Variants in LPP observed in about 807,000 individuals in gnomAD.
The protein encoded by LPP is LIM domain containing preferred translocation partner in lipoma.
Under a neutral mutation model 60.4 loss-of-function variants are expected in LPP, and 38 were observed. That is an observed-to-expected ratio of 0.63 (90% CI 0.49 to 0.83). The LOEUF is 0.83. Among genes scored for constraint, LPP ranks in the 40% least tolerant of loss-of-function variants. LPP has a pLI of 0.00. For synonymous variants in LPP, 328 were observed against 290.8 expected, an observed-to-expected ratio of 1.13 and a Z score of -1.30; for missense variants, 902 against 783.6, an observed-to-expected ratio of 1.15 and a Z score of -1.80.
intron 2 of LPP, among the ~76,000 whole-genome samples, chr3:188,334,327 AC>A (rs1378499698): frequency 6.6e-6 from 1 of 150,548 alleles, no homozygotes; most frequent in Non-Finnish European, 1.5e-5. Context: ...GCTGCAATAA[AC>A]ATGGGAATGC....
rs187214439 is a variant in LPP at position 188,675,504 on chromosome 3, T to C, written c.1114-32763T>C. The stretch of plus-strand genomic sequence containing the variant: ...CTTCAAGTATATGCCTTCTGGATGA[T>C]GTATGTTTGTATATGAAGGACAACA... On this transcript the variant is annotated intron_variant, in intron 7 of 11. Coordinates refer to ENST00000617246, the MANE Select transcript of LPP (RefSeq NM_001375462.1). 3.6e-4 allele frequency among the ~76,000 whole-genome samples: 55 copies of C among 152,308 alleles called. No individual in the cohort carries two copies. In the East Asian group the frequency reaches 8.3e-3, roughly 23 times the overall value.
intron 1 of LPP, among the ~76,000 whole-genome samples, chr3:188,187,103 C>T: frequency 6.6e-6 from 1 of 152,228 alleles, no homozygotes; most frequent in African/African-American, 2.4e-5. Flanking sequence ...TTTTAGGTTA[C>T]CTTTTGCATC....
intron 4 of LPP, among the ~76,000 whole-genome samples, chr3:188,480,600 T>C (rs1804498535): frequency 1.3e-5 from 2 of 152,372 alleles, no homozygotes; most frequent in Admixed American, 1.3e-4. Flanking sequence ...ATTTCCATTT[T>C]AGATTTGATA....
In LPP at chr3:188,881,204, C is replaced by T. The variant is rs959204059; in HGVS notation, c.*6725C>T. On this transcript the variant is annotated 3_prime_UTR_variant, in exon 12 of 12. Coordinates refer to ENST00000617246, the MANE Select transcript of LPP (RefSeq NM_001375462.1). Reference sequence around the variant, plus strand: ...AGATCTGAATCTTCTCTGTTATTTTCCTGATGAATCACCATCCCATATCTT... The same window carrying T: ...AGATCTGAATCTTCTCTGTTATTTTTCTGATGAATCACCATCCCATATCTT... The T allele has an allele frequency of 1.7e-5, 3 of 173,508 alleles. No homozygotes were observed. Among genetic ancestry groups the T allele is most frequent in the Non-Finnish European group, 2.5e-5 (2 of 80,992 alleles). The allele number at this position is 173,508 out of a possible 1,614,324, so 10.7% of individuals were successfully genotyped here. A position where few individuals can be genotyped will look rare whatever the true frequency, so the allele number is the denominator to read the frequency against.
intron 1 of LPP, chr3:188,180,643 C>T (rs1724671484): frequency 1.3e-5 from 2 of 154,240 alleles, no homozygotes; most frequent in Non-Finnish European, 2.9e-5. Flanking sequence ...TATTTAGACA[C>T]AAGCATTGTT....
intron 7 of LPP, among the ~76,000 whole-genome samples, chr3:188,661,452 C>A (rs1576898766): frequency 6.6e-6 from 1 of 152,160 alleles, no homozygotes; most frequent in Non-Finnish European, 1.5e-5. Context: ...TTTGCGGTCC[C>A]ACCTGCAATG....
intron 3 of LPP, among the ~76,000 whole-genome samples, chr3:188,393,390 T>C (rs566858269): frequency 2.6e-5 from 4 of 152,172 alleles, no homozygotes; most frequent in Non-Finnish European, 5.9e-5. Context: ...TGCTAATTGC[T>C]GTGGCCTCTT....
At chr3:188,289,590 G>C (rs976907834) in intron 2 of LPP, among the ~76,000 whole-genome samples, 1 of 152,140 alleles carries the variant, frequency 6.6e-6, no homozygotes, top group African/African-American at 2.4e-5. Flanking sequence ...ACTTGTCCAA[G>C]TCATTCAGCT....
chr3:188,376,869 C>G (rs1775275037), intron 3 of LPP, among the ~76,000 whole-genome samples: 1 of 152,110 alleles, frequency 6.6e-6, no homozygotes, highest in Non-Finnish European at 1.5e-5. Context: ...AGGTTTAGTG[C>G]TTTCTTCAGG....
intron 4 of LPP, among the ~76,000 whole-genome samples, chr3:188,408,484 G>T (rs1784192976): frequency 6.6e-6 from 1 of 152,078 alleles, no homozygotes; most frequent in East Asian, 1.9e-4. Context: ...CACAGTCCTT[G>T]GTCCCCTCTC....
chr3:188,460,553 T>C (rs1340605694), intron 4 of LPP, among the ~76,000 whole-genome samples: 2 of 152,216 alleles, frequency 1.3e-5, no homozygotes, highest in African/African-American at 4.8e-5. Flanking sequence ...ATTTTATTCC[T>C]TGTGCAGGGC....
intron 9 of LPP, among the ~76,000 whole-genome samples, chr3:188,781,956 C>T (rs1220947270): frequency 6.6e-6 from 1 of 151,556 alleles, no homozygotes; most frequent in Non-Finnish European, 1.5e-5. Flanking sequence ...GTCCCTTCTA[C>T]TTCACGTGGG....
At chr3:188,208,894 G>A (rs561273967) in intron 1 of LPP, among the ~76,000 whole-genome samples, 1 of 152,162 alleles carries the variant, frequency 6.6e-6, no homozygotes, top group Non-Finnish European at 1.5e-5. Context: ...ACTGCTTTTT[G>A]TATTTGTAAT....
intron 6 of LPP, among the ~76,000 whole-genome samples, chr3:188,593,262 A>G (rs1193191693): frequency 6.6e-6 from 1 of 151,434 alleles, no homozygotes; most frequent in Non-Finnish European, 1.5e-5. Context: ...CTTTATTTCT[A>G]TAATTCCAAT....
chr3:188,604,746 T>C (rs1033236665), intron 6 of LPP, among the ~76,000 whole-genome samples: 9 of 152,262 alleles, frequency 5.9e-5, no homozygotes, highest in African/African-American at 1.7e-4. Flanking sequence ...TTATGGGCTA[T>C]GATATGATGA....
intron 8 of LPP, among the ~76,000 whole-genome samples, chr3:188,736,510 A>C (rs1484400161): frequency 6.6e-6 from 1 of 152,184 alleles, no homozygotes; most frequent in Non-Finnish European, 1.5e-5. Flanking sequence ...AAATTAGCAA[A>C]GATTTAGGAA....
chr3:188,351,993 A>G (rs766023113), intron 3 of LPP, among the ~76,000 whole-genome samples: 15 of 151,832 alleles, frequency 9.9e-5, no homozygotes, highest in Non-Finnish European at 1.9e-4. Flanking sequence ...CACTTACTAC[A>G]TTTTACTCCT....
intron 5 of LPP, among the ~76,000 whole-genome samples, chr3:188,514,475 T>C (rs1816751540): frequency 6.6e-6 from 1 of 152,096 alleles, no homozygotes; most frequent in Admixed American, 6.5e-5. Context: ...TCACTCTTGT[T>C]GCCCAGGCTG....
chr3:188,872,943 G>C (rs1033348042), intron 11 of LPP, among the ~76,000 whole-genome samples, 180 bp downstream of exon 11: 1 of 152,156 alleles, frequency 6.6e-6, no homozygotes, highest in Non-Finnish European at 1.5e-5. Context: ...ATAAGTCACT[G>C]TACCTCTCTC....
Sources: gnomAD v4.1 joint callset for allele counts (sites outside exome capture counted in the v4.1 genomes callset) on GRCh38, gnomAD v4.1.1 for gene constraint, MANE v1.5 for transcripts, NCBI Gene and HGNC (gene_info 2026-07-23, HGNC 2026-07-21) for gene names.